The following GIT2 variants were observed in gnomAD, a reference collection of about 807,000 sequenced individuals.
GIT2 encodes the protein GIT ArfGAP 2.
A neutral mutation model predicts 100.3 loss-of-function variants in GIT2; 32 were observed. The ratio of observed to expected loss-of-function variants is 0.32; its 90% confidence interval spans 0.24 to 0.43. The LOEUF is 0.43. GIT2 is among the 20% of genes least tolerant of loss of function. The pLI, the probability that GIT2 is intolerant of heterozygous loss-of-function variation, is 1.00. For synonymous variants in GIT2, 353 were observed against 364.1 expected (o/e 0.97, Z 0.35); for missense variants, 737 against 975.1 (o/e 0.76, Z 3.25).
intron 18 of GIT2, among the ~76,000 whole-genome samples, chr12:109,936,956 C>G (rs1437126869): frequency 6.6e-6 from 1 of 151,842 alleles, no homozygotes; most frequent in African/African-American, 2.4e-5. Flanking sequence ...ACTGCCAAGA[C>G]TATGGTCCTG....
rs554445289 is a variant in GIT2, at chr12:109,947,237, C to A, written c.1641+19G>T. The A allele has an allele frequency of 3.7e-6, 6 of 1,605,942 alleles. No individual in the cohort carries two copies. The East Asian group carries it at 8.9e-5, about 24-fold the overall frequency. On this transcript the variant is annotated intron_variant, in intron 15 of 19. Coordinates refer to ENST00000355312, the MANE Select transcript of GIT2 (RefSeq NM_057169.5). This position sits in a 1 kb window ranked among gnomAD's most constrained non-coding sequence, Gnocchi z 4.3. ...GGCTGCATAGAGTGAACAGCAGAAG[C>A]GCCAGTGGTGTTACTTACGTGCGCG...
At chr12:109,940,910 C>T (rs1345955253) in intron 16 of GIT2, among the ~76,000 whole-genome samples, 1 of 145,706 alleles carries the variant, frequency 6.9e-6, no homozygotes, top group Non-Finnish European at 1.5e-5. Flanking sequence ...CAAAACAAAA[C>T]CAAAAAGAAA....
At chr12:109,974,436 G>T (rs956725126) in intron 7 of GIT2, among the ~76,000 whole-genome samples, 1 of 152,084 alleles carries the variant, frequency 6.6e-6, no homozygotes, top group South Asian at 2.1e-4. Context: ...TGAGACAGGA[G>T]AATTGCTTGA....
In GIT2 at chr12:109,962,205, T is replaced by C. The variant is rs1881264975; in HGVS notation, c.817-520A>G. Among the ~76,000 whole-genome samples the C allele has an allele frequency of 6.6e-6, 1 of 151,952 alleles. No homozygotes were observed. Among genetic ancestry groups the C allele is most frequent in the Non-Finnish European group, 1.5e-5 (1 of 67,992 alleles). ...CTGCCTCTACAGAAAATACAAAAACTAGCTGGGCGTGGTGGTGCACACTTG... is the reference window on the plus strand; with the variant it reads ...CTGCCTCTACAGAAAATACAAAAACCAGCTGGGCGTGGTGGTGCACACTTG... On this transcript the variant is annotated intron_variant, in intron 9 of 19. Coordinates refer to ENST00000355312, the MANE Select transcript of GIT2 (RefSeq NM_057169.5). This position sits in a 1 kb window ranked among gnomAD's most constrained non-coding sequence, Gnocchi z 4.3.
At chr12:109,988,517 G>A (rs1249777458) in intron 4 of GIT2, among the ~76,000 whole-genome samples, 6 of 151,992 alleles carry the variant, frequency 3.9e-5, no homozygotes, top group Non-Finnish European at 7.4e-5. Flanking sequence ...ACTCCAGCCT[G>A]GGCAACAGAG....
At chr12:109,991,308 T>G (rs1254177142) in intron 2 of GIT2, among the ~76,000 whole-genome samples, 1 of 118,668 alleles carries the variant, frequency 8.4e-6, no homozygotes, top group Non-Finnish European at 1.7e-5. Flanking sequence ...AGAGTCCGTC[T>G]CAAAAAAAAA....
At chr12:109,999,545 C>CCCGACCGGCTCAG (rs1195075823), upstream of GIT2, 35 of 531,894 alleles carry the variant, frequency 6.6e-5, no homozygotes, top group African/African-American at 6.2e-4. This position sits in a 1 kb window ranked among gnomAD's most constrained non-coding sequence, Gnocchi z 4.3. Context: ...GCGCCCCGCA[C>CCCGACCGGCTCAG]CCGACCGGCT....
Position 109,991,663 on chromosome 12 carries a change from A to G in GIT2, c.150T>C (p.His50=), listed in dbSNP as rs1437843184. The G allele has an allele frequency of 6.2e-7, 1 of 1,613,152 alleles. No individual in the cohort carries two copies. The highest frequency in any genetic ancestry group is 2.2e-5 in the East Asian group (1 of 44,896). ...SLGRHISQVR[H]LKHTPWPPTL... is the part of the protein sequence containing the mutation. The stretch of plus-strand genomic sequence containing the variant: ...TTGGAGGCCACGGTGTGTGTTTCAG[A>G]TGCCTCACTTGGGAGATATGGCGCC... The change falls in exon 2 of 20, where the codon CAT becomes CAC. Residue 50 remains histidine (H), a synonymous_variant. Coordinates refer to ENST00000355312, the MANE Select transcript of GIT2 (RefSeq NM_057169.5).
chr12:109,970,845 A>G (rs1363752703), intron 7 of GIT2, among the ~76,000 whole-genome samples: 1 of 152,240 alleles, frequency 6.6e-6, no homozygotes, highest in Admixed American at 6.5e-5. Context: ...GCTAGAGTGC[A>G]GTGGCACGAT....
In GIT2 at chr12:109,932,781, G is replaced by A; in HGVS notation, c.*197C>T. On this transcript the variant is annotated 3_prime_UTR_variant, in exon 20 of 20. Transcript: ENST00000355312. ...CATCAGAAACTAAACCAGCAAATAG[G>A]CACAAAATAAGGCAAGTGGGTTAAA... The A allele has an allele frequency of 1.8e-6, 1 of 548,652 alleles. No individual in the cohort carries two copies. The highest frequency in any genetic ancestry group is 3.3e-6 in the Non-Finnish European group (1 of 306,054). The allele number at this position is 548,652 out of a possible 1,614,324, so 34.0% of individuals were successfully genotyped here.
In GIT2 at chr12:109,976,105, T is replaced by TACACACACACACAC. The variant is rs145928011; in HGVS notation, c.718+4833_718+4846dup. Among the ~76,000 whole-genome samples the TACACACACACACAC allele has an allele frequency of 7.2e-4, 108 of 149,124 alleles. 1 individual carries two copies. The Middle Eastern group carries it at 0.01, about 14-fold the overall frequency. ...TCAGTGGTTATGGTAGAAATTACTATACACACACACACACACAAACACACA... is the reference window on the plus strand; with the variant it reads ...TCAGTGGTTATGGTAGAAATTACTATACACACACACACACACACACACACACACACAAACACACA... On this transcript the variant is annotated intron_variant, in intron 7 of 19. Transcript: ENST00000355312.
chr12:109,955,187 G>A (rs1879071295), intron 12 of GIT2, among the ~76,000 whole-genome samples: 1 of 151,438 alleles, frequency 6.6e-6, no homozygotes, highest in Admixed American at 6.6e-5. Context: ...GCAGTGGCGC[G>A]ATCTTGGCTC....
chr12:109,936,992 G>C (rs989277688), intron 18 of GIT2, among the ~76,000 whole-genome samples: 2 of 152,172 alleles, frequency 1.3e-5, no homozygotes, highest in African/African-American at 4.8e-5. Flanking sequence ...CTTGTAACCC[G>C]TGGGGTCCCA....
At chr12:109,961,185 A>T in intron 11 of GIT2, 93 bp downstream of exon 11, 1 of 724,888 alleles carries the variant, frequency 1.4e-6, no homozygotes, top group Non-Finnish European at 2.4e-6. Flanking sequence ...AATTTTAATC[A>T]ATCAAAACAT....
Position 109,996,308 on chromosome 12 carries a change from TC to T in GIT2, c.-85del, listed in dbSNP as rs1889417602. ...GCGGCGGCGCTTCCGCTCTAACGGG[TC>T]CCAGCTGCGGCGGCGCTGACGGCGG... is the stretch of plus-strand genomic sequence containing the variant. On this transcript the variant is annotated 5_prime_UTR_variant, in exon 1 of 20. Transcript: ENST00000355312. 4.4e-5 allele frequency: 42 copies of T among 957,160 alleles called. 1 individual carries two copies. In the South Asian group the frequency reaches 6.3e-4, roughly 14 times the overall value. The allele number at this position is 957,160 out of a possible 1,614,324, so 59.3% of individuals were successfully genotyped here.
chr12:109,934,035 G>A lies in GIT2; in HGVS notation c.2054C>T (p.Ala685Val). ...RIHVAVTEMA[A>V]LFPKKPKSDM... ...GAAGTGACTTACTTTGGGGAATAAT[G>A]CTGCCATTTCTGTAACAGCTACGTG... is the stretch of plus-strand genomic sequence containing the variant. Residue 685 changes from alanine to valine, a missense_variant, in exon 19 of 20, where the codon GCA becomes GTA. Physicochemically the swap from Ala to Val is moderately conservative, Grantham distance 64. Around this residue, in one of 3 missense-constraint regions of GIT2, gnomAD observed 451 missense variants for 543.7 expected, o/e 0.83. Transcript: ENST00000355312. The surrounding 1 kb of genome is among the most constrained non-coding windows in gnomAD (Gnocchi z 4.5). 2 of 1,558,818 alleles carry A rather than the reference G, an allele frequency of 1.3e-6. No individual in the cohort carries two copies.
At position 109,996,341 on chromosome 12, in the gene GIT2, T is replaced by C; in HGVS notation, c.-117A>G. On this transcript the variant is annotated 5_prime_UTR_variant, in exon 1 of 20. Coordinates refer to ENST00000355312, the MANE Select transcript of GIT2 (RefSeq NM_057169.5). ...GCGGCGGCGCTGACGGCGGCGCCTC[T>C]CCCCTCAGCGCCTTGCAGCCTTGGC... The C allele has an allele frequency of 1.5e-6, 1 of 670,612 alleles. No individual in the cohort carries two copies. The highest frequency in any genetic ancestry group is 2.5e-6 in the Non-Finnish European group (1 of 406,886). 41.5% of individuals were successfully genotyped at this position (670,612 alleles called of 1,614,324 possible). A position where few individuals can be genotyped will look rare whatever the true frequency, so the allele number is the denominator to read the frequency against.
chr12:109,972,544 C>T (rs942410086), intron 7 of GIT2, among the ~76,000 whole-genome samples: 8 of 151,918 alleles, frequency 5.3e-5, no homozygotes, highest in Admixed American at 2.0e-4. Context: ...TCTCAGCTCA[C>T]TGCAACCTCT....
At chr12:109,979,337 G>A (rs369356362) in intron 7 of GIT2, among the ~76,000 whole-genome samples, 103 of 140,588 alleles carry the variant, frequency 7.3e-4, no homozygotes, top group Admixed American at 2.4e-3. Flanking sequence ...GTGCAGTGGC[G>A]CAATCTTGGC....
Sources: gnomAD v4.1 joint callset for allele counts (sites outside exome capture counted in the v4.1 genomes callset) on GRCh38, gnomAD v4.1.1 for gene constraint, gnomAD v4.1.1 regional missense constraint, Gnocchi (gnomAD v3.1) non-coding constraint, MANE v1.5 for transcripts, NCBI Gene and HGNC (gene_info 2026-07-23, HGNC 2026-07-21) for gene names.